Variants in TXNDC8 observed in about 807,000 individuals in gnomAD.
TXNDC8 encodes the protein thioredoxin domain-containing protein 8.
TXNDC8 carries 15 observed loss-of-function variants against 12.9 expected under a neutral mutation model. The ratio of observed to expected loss-of-function variants is 1.16; its 90% CI spans 0.78 to 1.79. TXNDC8 has a LOEUF of 1.79. Among genes scored for constraint, TXNDC8 ranks in the 40% most tolerant of loss-of-function variants. The pLI is 0.00. For synonymous variants in TXNDC8, 40 were observed against 35.4 expected, an observed-to-expected ratio of 1.13 and a Z score of -0.46; for missense variants, 128 against 113.2, an observed-to-expected ratio of 1.13 and a Z score of -0.59.
intron 2 of TXNDC8, among the ~76,000 whole-genome samples, chr9:110,331,801 A>T (rs1839555295): frequency 1.3e-5 from 2 of 152,112 alleles, no homozygotes; most frequent in African/African-American, 4.8e-5. Context: ...CGCTAATATA[A>T]CAGGAGGCAG....
At chr9:110,322,164 T>C (rs1031527059) in intron 3 of TXNDC8, among the ~76,000 whole-genome samples, 1 of 146,564 alleles carries the variant, frequency 6.8e-6, no homozygotes, top group East Asian at 2.1e-4. Context: ...ATTTGTATAA[T>C]GTGACATAAA....
At chr9:110,326,940 G>GCACACACACACACACACACA (rs377527245) in intron 2 of TXNDC8, among the ~76,000 whole-genome samples, 56 of 143,028 alleles carry the variant, frequency 3.9e-4, no homozygotes, top group Middle Eastern at 3.5e-3. Context: ...TGCTACTCAT[G>GCACACACACACACACACACA]CACACACACA....
intron 3 of TXNDC8, among the ~76,000 whole-genome samples, chr9:110,309,286 C>A (rs893781480): frequency 3.9e-5 from 6 of 152,050 alleles, no homozygotes; most frequent in African/African-American, 9.7e-5. Flanking sequence ...TTGACCCCCC[C>A]ACAATATGCA....
chr9:110,310,209 G>A (rs1237549469), intron 3 of TXNDC8, among the ~76,000 whole-genome samples: 1 of 152,078 alleles, frequency 6.6e-6, no homozygotes, highest in East Asian at 1.9e-4. Flanking sequence ...TGGTGTGTGT[G>A]TGTGTGTGTG....
intron 1 of TXNDC8, 97 bp downstream of exon 1, chr9:110,337,676 G>T (rs1041549605): frequency 1.7e-6 from 2 of 1,152,714 alleles, no homozygotes; most frequent in African/African-American, 1.6e-5. Context: ...TGCAATGATA[G>T]AATACTGGAT....
intron 3 of TXNDC8, chr9:110,323,384 G>A (rs1025225703): frequency 1.0e-6 from 1 of 963,140 alleles, no homozygotes; most frequent in Non-Finnish European, 1.2e-6. Flanking sequence ...GAATATAGAA[G>A]CTCATTAGTT....
intron 2 of TXNDC8, among the ~76,000 whole-genome samples, chr9:110,330,607 T>C (rs1335885209): frequency 2.6e-5 from 4 of 152,224 alleles, no homozygotes; most frequent in Non-Finnish European, 5.9e-5. Context: ...TTTTCAGGGA[T>C]CTATGCCTAG....
At chr9:110,337,705 A>G (rs1839812230) in intron 1 of TXNDC8, 68 bp downstream of exon 1, 1 of 1,464,324 alleles carries the variant, frequency 6.8e-7, no homozygotes, top group Non-Finnish European at 9.6e-7. Context: ...CACATTCTTA[A>G]AGTTTTTCAA....
chr9:110,301,403 T>G (rs1376317512), downstream of TXNDC8, among the ~76,000 whole-genome samples: 1 of 152,218 alleles, frequency 6.6e-6, no homozygotes, highest in African/African-American at 2.4e-5. Context: ...ATACAGATTT[T>G]TATCAGACAA....
chr9:110,324,122 AAG>A (rs928160048), intron 3 of TXNDC8: 18 of 1,307,200 alleles, frequency 1.4e-5, no homozygotes, highest in Admixed American at 5.6e-5. Context: ...CCAAGTTTTA[AAG>A]AGAGTAACTG....
intron 2 of TXNDC8, among the ~76,000 whole-genome samples, chr9:110,330,280 C>T (rs1172945700): frequency 6.6e-6 from 1 of 152,184 alleles, no homozygotes; most frequent in Non-Finnish European, 1.5e-5. Context: ...CCTATCATTA[C>T]TGACATTCAC....
At chr9:110,313,656 G>T (rs935737556) in intron 3 of TXNDC8, among the ~76,000 whole-genome samples, 1 of 151,718 alleles carries the variant, frequency 6.6e-6, no homozygotes, top group Admixed American at 6.5e-5. Context: ...AGCCGAGACC[G>T]TGCCCCTGAC....
In TXNDC8 at chr9:110,334,242, A is replaced by G; in HGVS notation, c.103T>C (p.Cys35Arg). 6.2e-7 allele frequency: 1 copy of G among 1,613,110 alleles called. No homozygotes were observed. The highest frequency in any genetic ancestry group is 8.5e-7 in the Non-Finnish European group (1 of 1,179,172). The stretch of plus-strand genomic sequence containing the variant: ...TGGAAAACAGGAAACATCCTTTTGC[A>G]GGGACCACACCGTTTCGAAGAAAAT... The change falls in exon 2 of 5, where the codon TGC becomes CGC. Residue 35 changes from cysteine to arginine, a missense_variant. Coordinates refer to ENST00000423740, the MANE Select transcript of TXNDC8 (RefSeq NM_001286946.2).
intron 3 of TXNDC8, among the ~76,000 whole-genome samples, chr9:110,321,628 AT>A (rs1374476884): frequency 6.6e-6 from 1 of 151,972 alleles, no homozygotes; most frequent in African/African-American, 2.4e-5. Flanking sequence ...AGAGGAGCAC[AT>A]TTATGGAGGT....
chr9:110,328,495 C>T (rs559111533), intron 2 of TXNDC8, among the ~76,000 whole-genome samples: 2 of 152,196 alleles, frequency 1.3e-5, no homozygotes, highest in Non-Finnish European at 2.9e-5. Flanking sequence ...CTGTAATGCA[C>T]TGAGGTAGGT....
At chr9:110,311,970 C>A (rs1175400552) in intron 3 of TXNDC8, among the ~76,000 whole-genome samples, 1 of 150,926 alleles carries the variant, frequency 6.6e-6, no homozygotes, top group Non-Finnish European at 1.5e-5. Flanking sequence ...CTTGCCGCAA[C>A]CTCCACCTCC....
chr9:110,329,462 C>T (rs1185793243), intron 2 of TXNDC8, among the ~76,000 whole-genome samples, 171 bp from the exon 3 acceptor site: 1 of 152,124 alleles, frequency 6.6e-6, no homozygotes, highest in African/African-American at 2.4e-5. Flanking sequence ...AAGTCAAATA[C>T]CAGATGATGC....
rs116641000 is a variant in TXNDC8 at position 110,323,133 on chromosome 9, C to G, written c.195+3042G>C. On this transcript the variant is annotated intron_variant, in intron 3 of 4. Coordinates refer to ENST00000423740, the MANE Select transcript of TXNDC8 (RefSeq NM_001286946.2). ...GGGAGCTGTGCACAAATCTGGAGAACAGAGATATGGTGCTAAGTTGAGGGT... is the reference window on the plus strand; with the variant it reads ...GGGAGCTGTGCACAAATCTGGAGAAGAGAGATATGGTGCTAAGTTGAGGGT... 884 of 985,156 alleles carry G rather than the reference C, an allele frequency of 9.0e-4. 9 individuals are homozygous for G. In the African/African-American group the frequency reaches 0.014, roughly 16 times the overall value. The allele number at this position is 985,156 out of a possible 1,614,324, so 61.0% of individuals were successfully genotyped here.
intron 3 of TXNDC8, among the ~76,000 whole-genome samples, chr9:110,319,281 T>A (rs1418255431): frequency 6.6e-6 from 1 of 152,238 alleles, no homozygotes; most frequent in Non-Finnish European, 1.5e-5. Flanking sequence ...TGACTTAGCT[T>A]AAATGGATGT....
Sources: gnomAD v4.1 joint callset for allele counts (sites outside exome capture counted in the v4.1 genomes callset) on GRCh38, gnomAD v4.1.1 for gene constraint, MANE v1.5 for transcripts, NCBI Gene and HGNC (gene_info 2026-07-23, HGNC 2026-07-21) for gene names.